THOP1: variants seen among roughly 807,000 people sequenced by gnomAD.
THOP1 encodes the protein thimet oligopeptidase 1, also known as thimet oligopeptidase.
Under a neutral mutation model 71.8 loss-of-function variants are expected in THOP1, and 49 were observed. The observed-to-expected ratio is 0.68, with a 90% CI of 0.54 to 0.87. The LOEUF (loss-of-function observed/expected upper bound fraction) is 0.87. Ranked by LOEUF, THOP1 falls within the 40% of genes least tolerant of loss-of-function variation. The probability of loss-of-function intolerance (pLI) is 0.00; values close to 1 mark genes in which losing one functional copy is unlikely to be tolerated. For missense variants in THOP1, 843 were observed against 975.6 expected, an observed-to-expected ratio of 0.86 and a Z score of 1.81; for synonymous variants, 426 against 421.5, an observed-to-expected ratio of 1.01 and a Z score of -0.13.
At chr19:2,808,486 C>G in intron 9 of THOP1, 42 bp downstream of exon 9, 2 of 1,537,596 alleles carry the variant, frequency 1.3e-6, no homozygotes, top group Non-Finnish European at 1.8e-6. Context: ...GGGGCAGGGG[C>G]AGGGGCTGCC....
rs748559419 is a variant in THOP1 at position 2,807,526 on chromosome 19, G to A, written c.971G>A (p.Arg324Gln). Reference protein sequence around the residue: ...LELKRAECERRGLPFDGRIRA... With the variant: ...LELKRAECERQGLPFDGRIRA... The stretch of plus-strand genomic sequence containing the variant: ...CTGAAGCGTGCGGAGTGCGAGCGCC[G>A]GGGCCTGCCCTTCGACGGCCGCATC... The change falls in exon 8 of 13, where the codon CGG becomes CAG. Residue 324 changes from arginine to glutamine, a missense_variant. Physicochemically the swap from Arg to Gln is conservative, Grantham distance 43. Transcript: ENST00000307741. 18 of 1,612,022 alleles carry A rather than the reference G, an allele frequency of 1.1e-5. No homozygotes were observed. The highest frequency in any genetic ancestry group is 1.7e-4 in the Middle Eastern group (1 of 5,802).
At chr19:2,791,756 G>A (rs754149061) in intron 2 of THOP1, among the ~76,000 whole-genome samples, 1 of 152,068 alleles carries the variant, frequency 6.6e-6, no homozygotes, top group East Asian at 1.9e-4. Context: ...CCCCTCCTGC[G>A]GCCTTTCCTC....
rs551002330 is a variant in THOP1, at chr19:2,804,183, C to T, written c.590-833C>T. 2.6e-5 allele frequency among the ~76,000 whole-genome samples: 4 copies of T among 152,324 alleles called. No homozygotes were observed. The highest frequency in any genetic ancestry group is 5.9e-5 in the Non-Finnish European group (4 of 68,030). The stretch of plus-strand genomic sequence containing the variant: ...CTGAGGCACGGTGGCCCTGGCGTCT[C>T]CCGAGCCATGAGGTAGGAACCCCAG... On this transcript the variant is annotated intron_variant, in intron 5 of 12. Coordinates refer to ENST00000307741, the MANE Select transcript of THOP1 (RefSeq NM_003249.5). This position sits in a 1 kb window ranked among gnomAD's most constrained non-coding sequence, Gnocchi z 4.7.
In THOP1 at chr19:2,813,137, G is replaced by A. The variant is rs750445432; in HGVS notation, c.1931G>A (p.Cys644Tyr). Residue 644 changes from cysteine to tyrosine, a missense_variant, in exon 13 of 13, where the codon TGC becomes TAC. Cys to Tyr is a radical substitution (Grantham distance 194). Transcript: ENST00000307741. The stretch of plus-strand genomic sequence containing the variant: ...CAGGTTGGCATGGATTACAGAAGCT[G>A]CATCCTGAGACCCGGCGGTTCCGAG... ...NSKVGMDYRS[C>Y]ILRPGGSEDA... 1.2e-6 allele frequency: 2 copies of A among 1,611,382 alleles called. No individual in the cohort carries two copies. The highest frequency in any genetic ancestry group is 1.7e-5 in the Admixed American group (1 of 59,878).
chr19:2,795,680 T>G (rs560435327), intron 3 of THOP1, among the ~76,000 whole-genome samples: 5 of 152,220 alleles, frequency 3.3e-5, no homozygotes, highest in African/African-American at 1.2e-4. Flanking sequence ...CTTTCCAGAG[T>G]TTCTGTTGAG....
chr19:2,796,467 AGGGAGCACTGGGCATG>A (rs1043152470), intron 4 of THOP1, among the ~76,000 whole-genome samples: 3 of 141,746 alleles, frequency 2.1e-5, no homozygotes, highest in African/African-American at 5.4e-5. Flanking sequence ...GCTCGGTCCC[AGGGAGCACTGGGCATG>A]GGGAGTACTG....
chr19:2,799,564 T>C, intron 4 of THOP1, 125 bp from the exon 5 acceptor site: 1 of 740,566 alleles, frequency 1.4e-6, no homozygotes, highest in Non-Finnish European at 2.3e-6. Flanking sequence ...CTCGGTTGCC[T>C]CTTCTTTCGG....
rs561420108 is a variant in THOP1, at chr19:2,806,825, A to G, written c.751-92A>G. 7 of 1,595,474 alleles carry G rather than the reference A, an allele frequency of 4.4e-6. No homozygotes were observed. In the South Asian group the frequency reaches 6.7e-5, roughly 15 times the overall value. ...GGGACCGGAGGTCAGACGGAGCTGG[A>G]TATGAGCCTTTGGCCCTGGGACAGG... is the stretch of plus-strand genomic sequence containing the variant. On this transcript the variant is annotated intron_variant, in intron 6 of 12. Coordinates refer to ENST00000307741, the MANE Select transcript of THOP1 (RefSeq NM_003249.5).
In THOP1 at chr19:2,790,540, C is replaced by T. The variant is rs1016186294; in HGVS notation, c.136C>T (p.Arg46Cys). The change falls in exon 2 of 13, where the codon CGC (arginine) becomes TGC (cysteine). Residue 46 changes from arginine to cysteine, a missense_variant. Physicochemically the swap from Arg to Cys is radical, Grantham distance 180. Transcript: ENST00000307741. ...RTRELIEQTK[R>C]VYDQVGTQEF... ...CAGGGAGCTCATCGAGCAGACCAAG[C>T]GCGTGTATGACCAGGTTGGCACCCA... The T allele has an allele frequency of 4.4e-6, 7 of 1,608,030 alleles. No individual in the cohort carries two copies. Among genetic ancestry groups the T allele is most frequent in the African/African-American group, 2.7e-5 (2 of 74,746 alleles).
chr19:2,798,622 GC>G (rs1014834200), intron 4 of THOP1, among the ~76,000 whole-genome samples: 40 of 152,384 alleles, frequency 2.6e-4, no homozygotes, highest in African/African-American at 9.4e-4. Context: ...ATTGGGAATT[GC>G]CCAGCATGGG....
intron 5 of THOP1, among the ~76,000 whole-genome samples, chr19:2,802,590 CCTCCCGATACCCGCAT>C (rs1916181357): frequency 6.6e-6 from 1 of 151,828 alleles, no homozygotes; most frequent in Admixed American, 6.6e-5. Flanking sequence ...GACACCGCCA[CCTCCCGATACCCGCAT>C]CTCCCGACAC....
chr19:2,792,560 A>C (rs1915911480), intron 2 of THOP1, among the ~76,000 whole-genome samples: 1 of 151,268 alleles, frequency 6.6e-6, no homozygotes. Flanking sequence ...CCCAGAACTG[A>C]GGTAGTGGCC....
rs370397983 is a variant in THOP1 at position 2,810,633 on chromosome 19, C to T, written c.1643-7C>T. 19 of 1,549,790 alleles carry T rather than the reference C, an allele frequency of 1.2e-5. No homozygotes were observed. In the African/African-American group the frequency reaches 1.4e-4, roughly 11 times the overall value. ...AGAGGCCAGCTCTCTCCTTCCCTCC[C>T]GCCCAGGCCTCTTCAACCTGCGCCA... On this transcript the variant is annotated splice_polypyrimidine_tract_variant and splice_region_variant and intron_variant, in intron 10 of 12. Coordinates refer to ENST00000307741, the MANE Select transcript of THOP1 (RefSeq NM_003249.5).
Position 2,813,227 on chromosome 19 carries a change from G to A in THOP1, c.2021G>A (p.Ser674Asn). Residue 674 changes from serine to asparagine, a missense_variant, in exon 13 of 13, where the codon AGC (serine) becomes AAC (asparagine). Physicochemically the swap from Ser to Asn is conservative, Grantham distance 46. Transcript: ENST00000307741. ...RDPKQDAFLL[S>N]KGLQVGGCEP... ...CCCAAGCAGGACGCCTTCCTCCTGAGCAAGGGGCTGCAGGTCGGGGGCTGC... is the reference window on the plus strand; with the variant it reads ...CCCAAGCAGGACGCCTTCCTCCTGAACAAGGGGCTGCAGGTCGGGGGCTGC... 6.2e-7 allele frequency: 1 copy of A among 1,612,126 alleles called. No individual in the cohort carries two copies. Among genetic ancestry groups the A allele is most frequent in the Non-Finnish European group, 8.5e-7 (1 of 1,179,700 alleles).
chr19:2,796,304 G>T, intron 4 of THOP1, 116 bp downstream of exon 4: 1 of 811,814 alleles, frequency 1.2e-6, no homozygotes, highest in South Asian at 1.6e-5. Context: ...CAGGGCAGGG[G>T]GAGTGCTGGG....
intron 12 of THOP1, 56 bp downstream of exon 12, chr19:2,811,790 T>C (rs2004186): frequency 0.096 from 74,972 of 783,134 alleles, 4,049 homozygotes; most frequent in East Asian, 0.27. Flanking sequence ...ACGCGGGGAC[T>C]GGGGACAGGG....
chr19:2,787,615 G>C (rs372250206), intron 1 of THOP1, among the ~76,000 whole-genome samples: 21 of 152,304 alleles, frequency 1.4e-4, no homozygotes, highest in African/African-American at 5.1e-4. Context: ...TTTGCCTTAA[G>C]TTTACAGCAA....
At chr19:2,796,045 G>A (rs756550148) in intron 3 of THOP1, 36 bp from the exon 4 acceptor site, 2 of 1,556,754 alleles carry the variant, frequency 1.3e-6, no homozygotes, top group Non-Finnish European at 8.9e-7. Context: ...GGCTGCACTG[G>A]CCCACGTCCT....
chr19:2,811,821 G>A (rs544637859), intron 12 of THOP1, 87 bp downstream of exon 12: 1 of 1,521,238 alleles, frequency 6.6e-7, no homozygotes, highest in African/African-American at 1.5e-5. Flanking sequence ...GAATGGCAAG[G>A]TACGCGGGGA....
Sources: gnomAD v4.1 joint callset for allele counts (sites outside exome capture counted in the v4.1 genomes callset) on GRCh38, gnomAD v4.1.1 for gene constraint, Gnocchi (gnomAD v3.1) non-coding constraint, MANE v1.5 for transcripts, NCBI Gene and HGNC (gene_info 2026-07-23, HGNC 2026-07-21) for gene names.